ADAMTS3: variants seen among roughly 807,000 people sequenced by gnomAD.
ADAMTS3 encodes the protein ADAM metallopeptidase with thrombospondin type 1 motif 3.
Under a neutral mutation model 129.0 loss-of-function variants are expected in ADAMTS3, and 73 were observed. The ratio of observed to expected loss-of-function variants is 0.57; its 90% CI spans 0.47 to 0.69. The LOEUF is 0.69. ADAMTS3 is among the 30% of genes least tolerant of loss of function. ADAMTS3 has a pLI of 0.00. For missense variants in ADAMTS3, 1,457 were observed against 1,514.5 expected, an observed-to-expected ratio of 0.96 and a Z score of 0.63; for synonymous variants, 477 against 510.8, an observed-to-expected ratio of 0.93 and a Z score of 0.89.
At chr4:72,435,394 T>C (rs1722796575) in intron 3 of ADAMTS3, among the ~76,000 whole-genome samples, 1 of 151,874 alleles carries the variant, frequency 6.6e-6, no homozygotes, top group Admixed American at 6.6e-5. Context: ...ACCAACTGTA[T>C]ATTGAAATGT....
At chr4:72,426,624 T>C (rs1722580169) in intron 3 of ADAMTS3, among the ~76,000 whole-genome samples, 1 of 152,154 alleles carries the variant, frequency 6.6e-6, no homozygotes, top group Non-Finnish European at 1.5e-5. Flanking sequence ...AAGTGCTTCA[T>C]GCCTATAATC....
intron 2 of ADAMTS3, among the ~76,000 whole-genome samples, chr4:72,561,577 C>T (rs936544874): frequency 6.6e-6 from 1 of 152,002 alleles, no homozygotes; most frequent in Non-Finnish European, 1.5e-5. Context: ...GGAAAGAGAA[C>T]TGGAACTCAT....
intron 4 of ADAMTS3, among the ~76,000 whole-genome samples, chr4:72,407,742 G>GTGC (rs1722084519): frequency 6.6e-6 from 1 of 152,132 alleles, no homozygotes; most frequent in Non-Finnish European, 1.5e-5. Context: ...CACTGAACAA[G>GTGC]TTAGAGTGGG....
At chr4:72,447,634 T>G (rs1466614076) in intron 3 of ADAMTS3, among the ~76,000 whole-genome samples, 4 of 151,748 alleles carry the variant, frequency 2.6e-5, no homozygotes, top group Non-Finnish European at 4.4e-5. Context: ...GAAAATGACC[T>G]AAGATTAATA....
chr4:72,417,714 A>G (rs960778613), intron 3 of ADAMTS3, among the ~76,000 whole-genome samples: 2 of 151,950 alleles, frequency 1.3e-5, no homozygotes, highest in Admixed American at 6.6e-5. Flanking sequence ...GCGGATCATG[A>G]AGTCAGGAGA....
At chr4:72,517,989 C>T (rs1720543020) in intron 3 of ADAMTS3, among the ~76,000 whole-genome samples, 1 of 151,456 alleles carries the variant, frequency 6.6e-6, no homozygotes, top group African/African-American at 2.4e-5. Flanking sequence ...TATAAATTTC[C>T]CTCTACACAC....
At chr4:72,471,881 A>G (rs750702754) in intron 3 of ADAMTS3, among the ~76,000 whole-genome samples, 1 of 152,080 alleles carries the variant, frequency 6.6e-6, no homozygotes, top group Non-Finnish European at 1.5e-5. Flanking sequence ...TGAGGTCTTA[A>G]ATAATTTTTA....
chr4:72,282,124 T>G lies in ADAMTS3; in HGVS notation c.*1012A>C, dbSNP rs1422308446. The G allele has an allele frequency of 6.6e-6, 1 of 152,170 alleles. No homozygotes were observed. The highest frequency in any genetic ancestry group is 1.5e-5 in the Non-Finnish European group (1 of 68,006). The allele number at this position is 152,170 out of a possible 1,614,324, so 9.4% of individuals were successfully genotyped here. The stretch of plus-strand genomic sequence containing the variant: ...TTTTTCTCAGCTACCAACATACAAA[T>G]AAGTTATCCCAAAACTTTTTCCTTT... On this transcript the variant is annotated 3_prime_UTR_variant, in exon 22 of 22. Transcript: ENST00000286657.
intron 4 of ADAMTS3, among the ~76,000 whole-genome samples, chr4:72,357,926 A>T (rs1218312264): frequency 6.6e-6 from 1 of 151,988 alleles, no homozygotes; most frequent in Non-Finnish European, 1.5e-5. Flanking sequence ...AACATCCAAA[A>T]AAATTCCAGA....
intron 4 of ADAMTS3, among the ~76,000 whole-genome samples, chr4:72,352,235 G>A (rs1720459322): frequency 1.3e-5 from 2 of 151,974 alleles, no homozygotes; most frequent in South Asian, 4.1e-4. Context: ...CAGTGGTATT[G>A]ATTTTGTATG....
At chr4:72,352,818 A>G (rs1720477938) in intron 4 of ADAMTS3, among the ~76,000 whole-genome samples, 1 of 152,044 alleles carries the variant, frequency 6.6e-6, no homozygotes, top group African/African-American at 2.4e-5. Flanking sequence ...AGAAAGACTG[A>G]AAAGTATTGA....
chr4:72,307,621 G>A (rs1225855543), intron 15 of ADAMTS3, among the ~76,000 whole-genome samples: 4 of 151,976 alleles, frequency 2.6e-5, no homozygotes, highest in Admixed American at 6.6e-5. Flanking sequence ...GTAAGTTTAT[G>A]TGTTGAAGTC....
chr4:72,289,548 T>A (rs981590516), intron 20 of ADAMTS3, among the ~76,000 whole-genome samples: 23 of 152,180 alleles, frequency 1.5e-4, no homozygotes, highest in African/African-American at 5.6e-4. Context: ...TTGATATGTG[T>A]TATCATTATC....
intron 4 of ADAMTS3, among the ~76,000 whole-genome samples, chr4:72,404,878 C>T (rs1364013940): frequency 6.6e-6 from 1 of 150,596 alleles, no homozygotes; most frequent in Non-Finnish European, 1.5e-5. Flanking sequence ...CAAAATAACT[C>T]GATTAAAGAA....
intron 5 of ADAMTS3, among the ~76,000 whole-genome samples, chr4:72,325,875 C>T (rs1317127799): frequency 6.6e-6 from 1 of 151,974 alleles, no homozygotes; most frequent in African/African-American, 2.4e-5. Context: ...GTATAAAATG[C>T]ACATATAATC....
At chr4:72,288,923 T>TAC (rs33967517) in intron 20 of ADAMTS3, 55 bp from the exon 21 acceptor site, 8,735 of 451,570 alleles carry the variant, frequency 0.019, 50 homozygotes, top group South Asian at 0.042. Flanking sequence ...ACCATGCACA[T>TAC]ACACACACAC....
intron 3 of ADAMTS3, among the ~76,000 whole-genome samples, chr4:72,427,378 C>CT (rs1467958944): frequency 6.6e-6 from 1 of 152,102 alleles, no homozygotes; most frequent in Non-Finnish European, 1.5e-5. Flanking sequence ...TCAAACACTT[C>CT]TTTCCAAGTC....
At chr4:72,486,954 T>C (rs1198832879) in intron 3 of ADAMTS3, among the ~76,000 whole-genome samples, 1 of 152,182 alleles carries the variant, frequency 6.6e-6, no homozygotes, top group African/African-American at 2.4e-5. Flanking sequence ...TTGGATTTCA[T>C]GAAAACTATG....
At chr4:72,533,426 C>T (rs36031588) in intron 3 of ADAMTS3, among the ~76,000 whole-genome samples, 51,967 of 151,798 alleles carry the variant, frequency 0.34, 9,642 homozygotes, top group South Asian at 0.55. Context: ...CTGCCTGAGG[C>T]TGTTTTACAG....
Sources: allele counts gnomAD v4.1 joint callset (sites outside exome capture counted in the v4.1 genomes callset), GRCh38; gene constraint gnomAD v4.1.1; transcripts MANE v1.5; gene names NCBI Gene and HGNC (gene_info 2026-07-23, HGNC 2026-07-21).